Variants in ARHGAP9 observed in about 807,000 individuals in gnomAD.
The protein encoded by ARHGAP9 is Rho GTPase activating protein 9.
In ARHGAP9, 76 loss-of-function variants were observed where a neutral mutation model predicts 87.3. The ratio of observed to expected loss-of-function variants is 0.87; its 90% confidence interval spans 0.72 to 1.05. The LOEUF (loss-of-function observed/expected upper bound fraction) is 1.05. ARHGAP9 is among the 50% of genes least tolerant of loss of function. ARHGAP9 has a pLI of 0.00. For missense variants in ARHGAP9, 941 were observed against 960.5 expected, an observed-to-expected ratio of 0.98 and a Z score of 0.27; for synonymous variants, 382 against 394.9, an observed-to-expected ratio of 0.97 and a Z score of 0.39.
intron 3 of ARHGAP9, 21 bp from the exon 4 acceptor site, chr12:57,477,701 A>G (rs1321847639): frequency 1.9e-5 from 31 of 1,608,816 alleles, no homozygotes; most frequent in Non-Finnish European, 2.6e-5. Flanking sequence ...AGGGGGAAGA[A>G]GGAGGTGGTC....
Position 57,476,148 on chromosome 12 carries a change from G to A in ARHGAP9, c.1135C>T (p.Pro379Ser), listed in dbSNP as rs759099560. ...SSGWGPAGSR[P>S]ESSVDLRGAA... ...CCGCGCAGGTCCACGCTACTTTCGGGCCGGCTACCCGCTGGTCCCTGACAA... is the reference window on the plus strand; with the variant it reads ...CCGCGCAGGTCCACGCTACTTTCGGACCGGCTACCCGCTGGTCCCTGACAA... Residue 379 changes from proline to serine, a missense_variant, in exon 9 of 18, where the codon CCC becomes TCC. Pro to Ser is a moderately conservative substitution (Grantham distance 74, BLOSUM62 -1). Transcript: ENST00000393791. 44 of 1,542,668 alleles carry A rather than the reference G, an allele frequency of 2.9e-5. No homozygotes were observed. Among genetic ancestry groups the A allele is most frequent in the Non-Finnish European group, 3.8e-5 (43 of 1,143,622 alleles).
chr12:57,476,994 G>T, intron 5 of ARHGAP9, 31 bp from the exon 6 acceptor site: 1 of 1,569,664 alleles, frequency 6.4e-7, no homozygotes, highest in Non-Finnish European at 8.7e-7. Context: ...AACAGGTGGG[G>T]AAACGCTCGA....
At chr12:57,477,763 C>A in intron 3 of ARHGAP9, 83 bp from the exon 4 acceptor site, 2 of 1,557,372 alleles carry the variant, frequency 1.3e-6, no homozygotes, top group African/African-American at 1.4e-5. Flanking sequence ...ACCTCCTGCT[C>A]CCTCCCCCAT....
chr12:57,476,070 C>T lies in ARHGAP9; in HGVS notation c.1212+1G>A. ...TTGGGGACGCGCGGGAGGGCGCTCA[C>T]GTGCAGGACGTTGCGGCGGCTGGAC... On this transcript the variant is annotated splice_donor_variant, in intron 9 of 17. Coordinates refer to ENST00000393791, the MANE Select transcript of ARHGAP9 (RefSeq NM_032496.4). LOFTEE classifies it high-confidence loss of function. The T allele has an allele frequency of 6.5e-7, 1 of 1,527,922 alleles. No individual in the cohort carries two copies. The highest frequency in any genetic ancestry group is 8.8e-7 in the Non-Finnish European group (1 of 1,138,062). The allele number at this position is 1,527,922 out of a possible 1,614,324, so 94.6% of individuals were successfully genotyped here.
At chr12:57,476,247 G>A in intron 8 of ARHGAP9, 81 bp from the exon 9 acceptor site, 3 of 1,482,460 alleles carry the variant, frequency 2.0e-6, no homozygotes, top group Middle Eastern at 1.9e-4. Context: ...TGAGGAGGTG[G>A]GAGGCTTCCT....
upstream of ARHGAP9, among the ~76,000 whole-genome samples, chr12:57,482,810 T>C (rs1875124019): frequency 6.6e-6 from 1 of 151,840 alleles, no homozygotes; most frequent in African/African-American, 2.4e-5. Flanking sequence ...ATGGTAAATA[T>C]GGGGCCGGGT....
intron 1 of ARHGAP9, among the ~76,000 whole-genome samples, chr12:57,485,112 A>ATTTT (rs1263581111): frequency 6.7e-6 from 1 of 149,434 alleles, no homozygotes; most frequent in Non-Finnish European, 1.5e-5. Flanking sequence ...CACCCCGCCA[A>ATTTT]TTTTTTGTAT....
chr12:57,480,026 G>A, upstream of ARHGAP9: 1 of 985,420 alleles, frequency 1.0e-6, no homozygotes, highest in Non-Finnish European at 1.2e-6. Context: ...CCAAATCAGA[G>A]AGAAAGACAA....
chr12:57,475,177 A>G, intron 12 of ARHGAP9, 114 bp downstream of exon 12: 1 of 1,232,316 alleles, frequency 8.1e-7, no homozygotes, highest in Non-Finnish European at 1.1e-6. Flanking sequence ...CCCCTAAACA[A>G]TCTGGGGTAG....
At chr12:57,475,184 G>T in intron 12 of ARHGAP9, 107 bp downstream of exon 12, 2 of 1,258,326 alleles carry the variant, frequency 1.6e-6, no homozygotes, top group Non-Finnish European at 2.2e-6. Flanking sequence ...ACAATCTGGG[G>T]TAGTGGGAAA....
At chr12:57,485,928 G>A (rs1320527005) in intron 1 of ARHGAP9, among the ~76,000 whole-genome samples, 1 of 152,092 alleles carries the variant, frequency 6.6e-6, no homozygotes, top group Non-Finnish European at 1.5e-5. Context: ...GGGATTAGCT[G>A]GAGTTGTCAG....
In ARHGAP9 at chr12:57,476,078, A is replaced by G. The variant is rs1432459536; in HGVS notation, c.1205T>C (p.Val402Ala). 6.5e-7 allele frequency: 1 copy of G among 1,536,162 alleles called. No homozygotes were observed. Among genetic ancestry groups the G allele is most frequent in the Non-Finnish European group, 8.8e-7 (1 of 1,142,456 alleles). The part of the protein sequence containing the change: ...HGRHLSSRRN[V>A]LHIRTIPGHE... Reference sequence around the variant, plus strand: ...GCGCGGGAGGGCGCTCACGTGCAGGACGTTGCGGCGGCTGGACAGGTGGCG... The same window carrying G: ...GCGCGGGAGGGCGCTCACGTGCAGGGCGTTGCGGCGGCTGGACAGGTGGCG... The change falls in exon 9 of 18, where the codon GTC becomes GCC. Residue 402 changes from valine (V) to alanine (A), a missense_variant. Physicochemically the swap from Val to Ala is moderately conservative, Grantham distance 64. Transcript: ENST00000393791.
upstream of ARHGAP9, chr12:57,480,716 T>C: frequency 6.9e-7 from 1 of 1,457,174 alleles, no homozygotes; most frequent in South Asian, 1.2e-5. Flanking sequence ...TGGTGGAAGG[T>C]GGGAAGTGAC....
In ARHGAP9 at chr12:57,474,678, C is replaced by A. The variant is rs370706224; in HGVS notation, c.1677G>T (p.Arg559=). Residue 559 remains arginine, a synonymous_variant, in exon 14 of 18, where the codon CGG becomes CGT. Coordinates refer to ENST00000393791, the MANE Select transcript of ARHGAP9 (RefSeq NM_032496.4). ...KRGLDVDGIY[R]VSGNLAVVQK... Reference sequence around the variant, plus strand: ...GGACCACTGCCAAGTTCCCGCTCACCCGATAAATGCCATCCACATCTAGAC... The same window carrying A: ...GGACCACTGCCAAGTTCCCGCTCACACGATAAATGCCATCCACATCTAGAC... 6 of 1,614,058 alleles carry A rather than the reference C, an allele frequency of 3.7e-6. No individual in the cohort carries two copies. The highest frequency in any genetic ancestry group is 5.1e-6 in the Non-Finnish European group (6 of 1,180,052).
intron 3 of ARHGAP9, chr12:57,478,036 G>C: frequency 1.9e-6 from 2 of 1,030,984 alleles, no homozygotes; most frequent in Non-Finnish European, 2.5e-6. Flanking sequence ...GACAGAGAAG[G>C]GTCTACAGAA....
At chr12:57,481,437 C>G (rs533761430), upstream of ARHGAP9, among the ~76,000 whole-genome samples, 61 of 152,028 alleles carry the variant, frequency 4.0e-4, 1 homozygote, top group South Asian at 0.012. Flanking sequence ...ATTTTTAGTA[C>G]AGACAGGGTT....
chr12:57,477,094 A>G, intron 5 of ARHGAP9, 62 bp downstream of exon 5: 1 of 1,579,438 alleles, frequency 6.3e-7, no homozygotes, highest in Admixed American at 1.7e-5. Context: ...TCTTACACAA[A>G]ACAGAAAGTC....
intron 16 of ARHGAP9, 117 bp downstream of exon 16, chr12:57,473,925 A>G (rs1292048997): frequency 7.0e-7 from 1 of 1,437,186 alleles, no homozygotes; most frequent in East Asian, 2.5e-5. Flanking sequence ...TGAGTTGAAC[A>G]TTATTTTCCA....
chr12:57,482,566 T>TA (rs1397480731), upstream of ARHGAP9, among the ~76,000 whole-genome samples: 3 of 152,070 alleles, frequency 2.0e-5, no homozygotes, highest in African/African-American at 7.2e-5. Flanking sequence ...TAGCCAGGTA[T>TA]GGCAGTGTGT....
Sources: gnomAD v4.1 joint callset for allele counts (sites outside exome capture counted in the v4.1 genomes callset) on GRCh38, gnomAD v4.1.1 for gene constraint, MANE v1.5 for transcripts, NCBI Gene and HGNC (gene_info 2026-07-23, HGNC 2026-07-21) for gene names.